The following TECRL variants were observed in gnomAD, a reference collection of about 807,000 sequenced individuals.
TECRL encodes trans-2,3-enoyl-CoA reductase-like.
TECRL carries 63 observed loss-of-function variants against 52.8 expected under a neutral mutation model. The ratio of observed to expected loss-of-function variants is 1.19; its 90% confidence interval spans 0.97 to 1.47. The LOEUF is 1.47. Ranked by LOEUF, TECRL falls within the 40% of genes most tolerant of loss-of-function variation. TECRL has a pLI of 0.00. For missense variants in TECRL, 482 were observed against 429.6 expected, an observed-to-expected ratio of 1.12 and a Z score of -1.08; for synonymous variants, 164 against 141.9, an observed-to-expected ratio of 1.16 and a Z score of -1.10.
chr4:64,285,204 G>T (rs933503004), intron 9 of TECRL, among the ~76,000 whole-genome samples: 2 of 151,962 alleles, frequency 1.3e-5, no homozygotes, highest in Non-Finnish European at 2.9e-5. Flanking sequence ...GCCTTACAAG[G>T]TCTTTTTCTT....
intron 2 of TECRL, among the ~76,000 whole-genome samples, chr4:64,334,075 ATTGCATTGTCACTTTG>A (rs1718869396): frequency 6.7e-6 from 1 of 149,750 alleles, no homozygotes; most frequent in Non-Finnish European, 1.5e-5. Flanking sequence ...TCCTGTGTAA[ATTGCATTGTCACTTTG>A]AATATGTTAT....
intron 2 of TECRL, among the ~76,000 whole-genome samples, chr4:64,374,070 T>TGTATATAGTAGATAC (rs1722192732): frequency 3.7e-4 from 36 of 96,216 alleles, no homozygotes; most frequent in African/African-American, 1.4e-3. Flanking sequence ...TATATATATA[T>TGTATATAGTAGATAC]ATATATATAT....
At chr4:64,360,322 T>C (rs2109610681) in intron 2 of TECRL, among the ~76,000 whole-genome samples, 1 of 152,246 alleles carries the variant, frequency 6.6e-6, no homozygotes, top group Non-Finnish European at 1.5e-5. Context: ...AATTTTAAAG[T>C]TGAGTAATAA....
intron 2 of TECRL, among the ~76,000 whole-genome samples, chr4:64,362,414 T>C (rs1353829803): frequency 1.3e-5 from 2 of 151,340 alleles, no homozygotes; most frequent in Non-Finnish European, 2.9e-5. Flanking sequence ...TTCTTCAAAG[T>C]CAAGCAAAAG....
intron 4 of TECRL, among the ~76,000 whole-genome samples, chr4:64,317,430 A>G (rs1168092732): frequency 1.3e-5 from 2 of 152,120 alleles, no homozygotes; most frequent in African/African-American, 2.4e-5. Flanking sequence ...TGCTATCATT[A>G]TTAGGGCATT....
Position 64,314,749 on chromosome 4 carries a change from T to C in TECRL, c.450A>G (p.Glu150=). 6.2e-7 allele frequency: 1 copy of C among 1,612,000 alleles called. No homozygotes were observed. The highest frequency in any genetic ancestry group is 8.5e-7 in the Non-Finnish European group (1 of 1,178,222). ...GGTATATTAGCAGAGGTCCTGTGTATTCAGCCAAAAACACCTGAAAATAAA... is the reference window on the plus strand; with the variant it reads ...GGTATATTAGCAGAGGTCCTGTGTACTCAGCCAAAAACACCTGAAAATAAA... The part of the protein sequence containing the change: ...QVSWTTVFLA[E]YTGPLLIYLL... Residue 150 remains glutamate (E), a synonymous_variant, in exon 5 of 12, where the codon GAA becomes GAG. Transcript: ENST00000381210.
intron 3 of TECRL, among the ~76,000 whole-genome samples, chr4:64,328,138 TA>T (rs1203492408): frequency 6.6e-6 from 1 of 151,996 alleles, no homozygotes; most frequent in Non-Finnish European, 1.5e-5. Flanking sequence ...TTATGTCACT[TA>T]TTCTGCTTTA....
chr4:64,391,609 A>C (rs548602585), intron 1 of TECRL, among the ~76,000 whole-genome samples: 39 of 151,978 alleles, frequency 2.6e-4, no homozygotes, highest in African/African-American at 9.1e-4. Context: ...TTATATATTT[A>C]AGATAAGCTC....
At chr4:64,314,409 C>A (rs1717318837) in intron 5 of TECRL, among the ~76,000 whole-genome samples, 1 of 152,084 alleles carries the variant, frequency 6.6e-6, no homozygotes, top group South Asian at 2.1e-4. Context: ...TGGTAAATTA[C>A]CTCTATTTTA....
chr4:64,338,792 G>A (rs1369071107), intron 2 of TECRL, among the ~76,000 whole-genome samples: 1 of 152,182 alleles, frequency 6.6e-6, no homozygotes, highest in African/African-American at 2.4e-5. Context: ...AACAGGTGCT[G>A]GAGAGGATGT....
chr4:64,381,098 T>C (rs1487130784), intron 1 of TECRL, among the ~76,000 whole-genome samples: 3 of 152,126 alleles, frequency 2.0e-5, no homozygotes, highest in Non-Finnish European at 4.4e-5. Context: ...CAGTTTTCCT[T>C]GTAAAGTTCT....
chr4:64,402,442 G>A (rs562802184), intron 1 of TECRL, among the ~76,000 whole-genome samples: 68 of 152,032 alleles, frequency 4.5e-4, no homozygotes, highest in African/African-American at 1.6e-3. Context: ...GCTTACAAAT[G>A]CCCACTCCTA....
At chr4:64,404,482 T>C (rs951645427) in intron 1 of TECRL, among the ~76,000 whole-genome samples, 2 of 152,060 alleles carry the variant, frequency 1.3e-5, no homozygotes, top group African/African-American at 4.8e-5. Context: ...TTTCCTACAA[T>C]CTCTTATTTT....
chr4:64,277,292 A>G (rs1722605899), downstream of TECRL, among the ~76,000 whole-genome samples: 1 of 151,930 alleles, frequency 6.6e-6, no homozygotes, highest in African/African-American at 2.4e-5. Context: ...ACTATTTGTC[A>G]GGATCGAGTT....
At position 64,283,113 on chromosome 4, in the gene TECRL, T is replaced by C. The variant is rs143052620; in HGVS notation, c.833-1554A>G. On this transcript the variant is annotated intron_variant, in intron 9 of 11. Coordinates refer to ENST00000381210, the MANE Select transcript of TECRL (RefSeq NM_001010874.5). ...GCTTTACTACGGTATTTGATCAATA[T>C]TGAAAATTGATTAACTCAATTCAGA... 2.6e-3 allele frequency among the ~76,000 whole-genome samples: 390 copies of C among 152,184 alleles called. 1 individual carries two copies. Among genetic ancestry groups the C allele is most frequent in the Middle Eastern group, 0.024 (7 of 294 alleles).
intron 8 of TECRL, among the ~76,000 whole-genome samples, chr4:64,298,265 G>A (rs1229793541): frequency 4.0e-5 from 6 of 151,094 alleles, no homozygotes; most frequent in African/African-American, 1.2e-4. Context: ...ATTGGACATA[G>A]TCTATTACAC....
chr4:64,281,684 A>G, intron 9 of TECRL, 125 bp from the exon 10 acceptor site: 1 of 565,798 alleles, frequency 1.8e-6, no homozygotes, highest in Admixed American at 3.6e-5. Context: ...ACGTATTTAT[A>G]GTAACCTATT....
intron 6 of TECRL, 128 bp downstream of exon 6, chr4:64,309,698 G>A: frequency 1.4e-6 from 1 of 704,368 alleles, no homozygotes; most frequent in Non-Finnish European, 2.5e-6. Context: ...GGAAAAGAAT[G>A]TTTAAGTATG....
chr4:64,370,372 T>G (rs1362348776), intron 2 of TECRL, among the ~76,000 whole-genome samples: 1 of 151,466 alleles, frequency 6.6e-6, no homozygotes, highest in East Asian at 1.9e-4. Flanking sequence ...GCTAAGAGAG[T>G]TGTTTCTGAG....
Sources: allele counts gnomAD v4.1 joint callset (sites outside exome capture counted in the v4.1 genomes callset), GRCh38; gene constraint gnomAD v4.1.1; transcripts MANE v1.5; gene names NCBI Gene and HGNC (gene_info 2026-07-23, HGNC 2026-07-21).